Variants in SLC7A2 observed in about 807,000 individuals in gnomAD.
The protein encoded by SLC7A2 is solute carrier family 7 member 2, also known as cationic amino acid transporter 2.
SLC7A2 carries 48 observed loss-of-function variants against 58.9 expected under a neutral mutation model. The observed-to-expected ratio is 0.82, with a 90% CI of 0.65 to 1.04. The LOEUF (loss-of-function observed/expected upper bound fraction) is 1.04. SLC7A2 is among the 50% of genes least tolerant of loss of function. The pLI is 0.00. For missense variants in SLC7A2, 1,029 were observed against 818.8 expected, an observed-to-expected ratio of 1.26 and a Z score of -3.13; for synonymous variants, 363 against 314.5, an observed-to-expected ratio of 1.15 and a Z score of -1.63.
chr8:17,544,359 G>A, intron 3 of SLC7A2, 92 bp from the exon 4 acceptor site: 1 of 1,085,764 alleles, frequency 9.2e-7, no homozygotes, highest in Non-Finnish European at 1.3e-6. Flanking sequence ...TCAATCTTTT[G>A]TGAACTCATG....
intron 2 of SLC7A2, among the ~76,000 whole-genome samples, chr8:17,506,058 T>A (rs536854837): frequency 6.6e-6 from 1 of 152,368 alleles, no homozygotes; most frequent in African/African-American, 2.4e-5. Flanking sequence ...GGATTTGTAA[T>A]GTTTTATTGC....
rs267601838 is a variant in SLC7A2 at position 17,562,065 on chromosome 8, C to T, written c.1626C>T (p.Leu542=). 5 of 1,613,930 alleles carry T rather than the reference C, an allele frequency of 3.1e-6. No homozygotes were observed. Among genetic ancestry groups the T allele is most frequent in the Non-Finnish European group, 4.2e-6 (5 of 1,179,982 alleles). Residue 542 remains leucine, a synonymous_variant, in exon 11 of 13, where the codon CTC becomes CTT. Coordinates refer to ENST00000494857, the MANE Select transcript of SLC7A2 (RefSeq NM_001370338.1). The part of the protein sequence containing the change: ...LFLVLFVAIV[L]TIWRQPQNQQ... ...TTGTTCTCTTCGTTGCCATCGTTCTCACCATCTGGAGGCAGCCCCAGAATC... is the reference window on the plus strand; with the variant it reads ...TTGTTCTCTTCGTTGCCATCGTTCTTACCATCTGGAGGCAGCCCCAGAATC...
At chr8:17,528,992 T>TCCTGGCTGGGGA (rs959690521) in intron 2 of SLC7A2, among the ~76,000 whole-genome samples, 2 of 152,148 alleles carry the variant, frequency 1.3e-5, no homozygotes, top group Non-Finnish European at 2.9e-5. Flanking sequence ...GGGACCAGTT[T>TCCTGGCTGGGGA]CCTCTAGGGT....
At chr8:17,555,860 G>A (rs185433819) in intron 8 of SLC7A2, among the ~76,000 whole-genome samples, 80 of 152,146 alleles carry the variant, frequency 5.3e-4, no homozygotes, top group African/African-American at 1.9e-3. Context: ...GGCCTTAAAG[G>A]TACTGTTACA....
chr8:17,495,004 A>G (rs1417214362), upstream of SLC7A2, among the ~76,000 whole-genome samples: 6 of 152,272 alleles, frequency 3.9e-5, no homozygotes, highest in East Asian at 1.2e-3. Flanking sequence ...AATTCCAGAT[A>G]AATTTGTTTA....
chr8:17,560,483 T>C lies in SLC7A2; in HGVS notation c.1454T>C (p.Leu485Pro). 6.2e-7 allele frequency: 1 copy of C among 1,613,992 alleles called. No homozygotes were observed. Among genetic ancestry groups the C allele is most frequent in the Non-Finnish European group, 8.5e-7 (1 of 1,179,880 alleles). Residue 485 changes from leucine to proline, a missense_variant, in exon 10 of 13, where the codon CTG (leucine) becomes CCG (proline). Physicochemically the swap from Leu to Pro is moderately conservative, Grantham distance 98 (BLOSUM62 -3). Coordinates refer to ENST00000494857, the MANE Select transcript of SLC7A2 (RefSeq NM_001370338.1). ...SMRTLFCPSL[L>P]PTQQSASLVS... ...CGGACCCTCTTCTGCCCCTCCCTTC[T>C]GCCAACACAGCAGTCAGCTTCTCTC...
intron 1 of SLC7A2, among the ~76,000 whole-genome samples, chr8:17,499,430 CTG>C (rs755576132): frequency 6.6e-6 from 1 of 150,936 alleles, no homozygotes; most frequent in Non-Finnish European, 1.5e-5. Flanking sequence ...CCTTCTCTCT[CTG>C]TGTGTTCAGA....
At chr8:17,526,753 G>A (rs2588209) in intron 2 of SLC7A2, among the ~76,000 whole-genome samples, 107,976 of 152,048 alleles carry the variant, frequency 0.71, 38,723 homozygotes, top group African/African-American at 0.79. Context: ...CTAGTTGGAA[G>A]AGAAGTAGCT....
intron 2 of SLC7A2, among the ~76,000 whole-genome samples, chr8:17,540,404 T>C (rs917092721): frequency 6.6e-6 from 1 of 152,098 alleles, no homozygotes; most frequent in African/African-American, 2.4e-5. Flanking sequence ...ATCTTTGTCT[T>C]TTTTCCCCAG....
Position 17,550,425 on chromosome 8 carries a change from G to T in SLC7A2, c.823G>T (p.Ala275Ser), listed in dbSNP as rs757865256. 6.2e-7 allele frequency: 1 copy of T among 1,613,416 alleles called. No individual in the cohort carries two copies. Among genetic ancestry groups the T allele is most frequent in the South Asian group, 1.1e-5 (1 of 90,954 alleles). Residue 275 changes from alanine to serine, a missense_variant, in exon 6 of 13, where the codon GCA (alanine) becomes TCA (serine). Ala to Ser is a moderately conservative substitution (Grantham distance 99, BLOSUM62 1). Transcript: ENST00000494857. ...FYAFVGFDCI[A>S]TTGEEVRNPQ... Reference sequence around the variant, plus strand: ...TGCCTTTGTGGGATTTGACTGCATTGCAACAACTGGTAAGAGCAGTGTCTT... The same window carrying T: ...TGCCTTTGTGGGATTTGACTGCATTTCAACAACTGGTAAGAGCAGTGTCTT...
Position 17,560,335 on chromosome 8 carries a change from C to A in SLC7A2, c.1306C>A (p.Pro436Thr). Residue 436 changes from proline (P) to threonine (T), a missense_variant, in exon 10 of 13, where the codon CCT becomes ACT. Pro to Thr is a conservative substitution (Grantham distance 38). Transcript: ENST00000494857. ...ATGTTTGTTTGGAAATAGGTACCAG[C>A]CTGGCTTATCTTACGACCAGCCCAA... ...AACVLILRYQ[P>T]GLSYDQPKCS... 1 of 1,613,238 alleles carries A rather than the reference C, an allele frequency of 6.2e-7. No homozygotes were observed. The highest frequency in any genetic ancestry group is 8.5e-7 in the Non-Finnish European group (1 of 1,179,224).
At chr8:17,521,076 T>A (rs1800995245) in intron 2 of SLC7A2, among the ~76,000 whole-genome samples, 1 of 152,198 alleles carries the variant, frequency 6.6e-6, no homozygotes, top group South Asian at 2.1e-4. Flanking sequence ...TTGGTATTAT[T>A]GATTAGGCTA....
chr8:17,549,413 G>T (rs1299687401), intron 5 of SLC7A2, among the ~76,000 whole-genome samples: 3 of 152,226 alleles, frequency 2.0e-5, no homozygotes, highest in Non-Finnish European at 4.4e-5. Context: ...GCAACTGTGT[G>T]AACCCATGCA....
At chr8:17,518,978 A>T (rs1800909679) in intron 2 of SLC7A2, among the ~76,000 whole-genome samples, 1 of 152,144 alleles carries the variant, frequency 6.6e-6, no homozygotes, top group African/African-American at 2.4e-5. Flanking sequence ...TAGAGAGAGA[A>T]CACCAGCTCT....
intron 7 of SLC7A2, 110 bp downstream of exon 7, chr8:17,552,096 T>C (rs1043066950): frequency 9.6e-6 from 7 of 728,726 alleles, no homozygotes; most frequent in African/African-American, 5.4e-5. Context: ...AAACAAAATA[T>C]TATGCAACTT....
At chr8:17,535,568 A>G (rs1044573743) in intron 2 of SLC7A2, among the ~76,000 whole-genome samples, 3 of 152,168 alleles carry the variant, frequency 2.0e-5, no homozygotes, top group African/African-American at 7.2e-5. Context: ...TGCCTCAAGT[A>G]TTTGGGGGAA....
rs75638215 is a variant in SLC7A2, at chr8:17,514,572, G to C, written c.-23+12270G>C. On this transcript the variant is annotated intron_variant, in intron 2 of 12. Transcript: ENST00000494857. ...TAACTTAAAAATGTAAGTTGTTCAGGTTTCCCTTTTATAGCTGTTCTGAGT... is the reference window on the plus strand; with the variant it reads ...TAACTTAAAAATGTAAGTTGTTCAGCTTTCCCTTTTATAGCTGTTCTGAGT... Among the ~76,000 whole-genome samples, 1,432 of 152,048 alleles carry C rather than the reference G, an allele frequency of 9.4e-3. 21 individuals are homozygous for C. The highest frequency in any genetic ancestry group is 0.033 in the African/African-American group (1,369 of 41,506).
chr8:17,495,625 C>T (rs184687740), upstream of SLC7A2, among the ~76,000 whole-genome samples: 3 of 152,330 alleles, frequency 2.0e-5, no homozygotes, highest in Admixed American at 1.3e-4. Context: ...TCTCGGCTCA[C>T]TGCAACCTCC....
At chr8:17,499,911 TAG>T in intron 1 of SLC7A2, 1 of 152,362 alleles carries the variant, frequency 6.6e-6, no homozygotes, top group East Asian at 1.9e-4. Flanking sequence ...GTACCTAATA[TAG>T]TATGTGTCAC....
Sources: gnomAD v4.1 joint callset for allele counts (sites outside exome capture counted in the v4.1 genomes callset) on GRCh38, gnomAD v4.1.1 for gene constraint, MANE v1.5 for transcripts, NCBI Gene and HGNC (gene_info 2026-07-23, HGNC 2026-07-21) for gene names.